The following ATP13A4 variants were observed in gnomAD, a reference collection of about 807,000 sequenced individuals.
ATP13A4 encodes the protein ATPase 13A4, also known as probable cation-transporting ATPase 13A4.
Under a neutral mutation model 142.5 loss-of-function variants are expected in ATP13A4, and 114 were observed. That is an observed-to-expected ratio of 0.80 (90% CI 0.69 to 0.93). The LOEUF (loss-of-function observed/expected upper bound fraction) is 0.93, where lower values mean the gene tolerates loss of function less well. Ranked by LOEUF, ATP13A4 falls within the 40% of genes least tolerant of loss-of-function variation. The probability of loss-of-function intolerance (pLI) is 0.00; values close to 1 mark genes in which losing one functional copy is unlikely to be tolerated. For missense variants in ATP13A4, 1,392 were observed against 1,454.0 expected (o/e 0.96, Z 0.69); for synonymous variants, 488 against 514.8 (o/e 0.95, Z 0.70).
At chr3:193,430,164 G>A (rs900720334) in intron 25 of ATP13A4, among the ~76,000 whole-genome samples, 5 of 152,036 alleles carry the variant, frequency 3.3e-5, no homozygotes, top group African/African-American at 9.7e-5. Context: ...TCAAACAGAA[G>A]GACTGTTCTG....
At chr3:193,571,668 C>T (rs563098568) in intron 2 of ATP13A4, among the ~76,000 whole-genome samples, 1 of 152,254 alleles carries the variant, frequency 6.6e-6, no homozygotes, top group East Asian at 1.9e-4. Flanking sequence ...AAACATCAGA[C>T]AAACCCCAAT....
chr3:193,586,492 A>C (rs959748930), intron 1 of ATP13A4, among the ~76,000 whole-genome samples: 1 of 152,178 alleles, frequency 6.6e-6, no homozygotes, highest in Non-Finnish European at 1.5e-5. Flanking sequence ...CAGTTTATAC[A>C]ATTTTTGTGC....
rs554301789 is a variant in ATP13A4, at chr3:193,502,696, T to A, written c.235-57A>T. ...GTTAAGAGAGGTCAGCAGGCTACAA[T>A]TCAACCTGAGAAACATCATTTTAAT... On this transcript the variant is annotated intron_variant, in intron 2 of 29. Coordinates refer to ENST00000342695, the MANE Select transcript of ATP13A4 (RefSeq NM_032279.4). 1.6e-5 allele frequency: 24 copies of A among 1,510,958 alleles called. No individual in the cohort carries two copies. The South Asian group carries it at 2.6e-4, about 16-fold the overall frequency. The allele number at this position is 1,510,958 out of a possible 1,614,324, so 93.6% of individuals were successfully genotyped here. A position where few individuals can be genotyped will look rare whatever the true frequency, so the allele number is the denominator to read the frequency against.
At chr3:193,462,878 C>T (rs1718035815) in intron 12 of ATP13A4, 55 bp from the exon 13 acceptor site, 1 of 1,557,526 alleles carries the variant, frequency 6.4e-7, no homozygotes, top group African/African-American at 1.4e-5. Flanking sequence ...GGAGCGGTGG[C>T]TCATGCCTGT....
At chr3:193,500,456 C>T (rs563684372) in intron 3 of ATP13A4, among the ~76,000 whole-genome samples, 23 of 152,146 alleles carry the variant, frequency 1.5e-4, no homozygotes, top group Non-Finnish European at 2.2e-4. Flanking sequence ...CACCAAGGAC[C>T]GGTTTTGTGG....
intron 1 of ATP13A4, among the ~76,000 whole-genome samples, chr3:193,517,519 C>T (rs1463917055): frequency 9.9e-5 from 15 of 152,172 alleles, no homozygotes; most frequent in African/African-American, 1.4e-4. Context: ...TTCGCTCTGT[C>T]GCCCAGGCTG....
chr3:193,545,182 A>T (rs908509523), intron 1 of ATP13A4, among the ~76,000 whole-genome samples: 7 of 152,202 alleles, frequency 4.6e-5, no homozygotes, highest in Non-Finnish European at 1.0e-4. Context: ...AGCATTTTTC[A>T]CAATATTATC....
In ATP13A4 at chr3:193,457,008, G is replaced by T. The variant is rs1041113831; in HGVS notation, c.1907C>A (p.Pro636His). The change falls in exon 16 of 30, where the codon CCT (proline) becomes CAT (histidine). Residue 636 changes from proline to histidine, a missense_variant. Coordinates refer to ENST00000342695, the MANE Select transcript of ATP13A4 (RefSeq NM_032279.4). ...APERVASFCQ[P>H]ETVPTSFVSE... ...CAAGTCAAGTTACAGACCTGTCTCA[G>T]GTTGGCAAAAGCTGGCCACCCTCTC... The T allele has an allele frequency of 1.7e-5, 28 of 1,613,158 alleles. No homozygotes were observed. The highest frequency in any genetic ancestry group is 2.3e-5 in the Non-Finnish European group (27 of 1,179,598).
At chr3:193,459,769 C>T (rs538276999) in intron 13 of ATP13A4, among the ~76,000 whole-genome samples, 1 of 152,256 alleles carries the variant, frequency 6.6e-6, no homozygotes, top group South Asian at 2.1e-4. Flanking sequence ...CACTGCATCC[C>T]CCTCTTCCAC....
At chr3:193,563,124 C>T (rs114160378) in intron 2 of ATP13A4, among the ~76,000 whole-genome samples, 1,998 of 152,048 alleles carry the variant, frequency 0.013, 52 homozygotes, top group African/African-American at 0.046. Context: ...AGAAGTTGAA[C>T]GGTACTTGAG....
In ATP13A4 at chr3:193,474,730, G is replaced by GAAAGAGAA. The variant is rs1373548197; in HGVS notation, c.809-3738_809-3737insTTCTCTTT. ...GGAAGGAAAGAGAGAGAGAAAGAAA[G>GAAAGAGAA]AGAAAGAAAGAAAGAAAGGAAAAAG... On this transcript the variant is annotated intron_variant, in intron 8 of 29. Coordinates refer to ENST00000342695, the MANE Select transcript of ATP13A4 (RefSeq NM_032279.4). Among the ~76,000 whole-genome samples, 615 of 147,132 alleles carry GAAAGAGAA rather than the reference G, an allele frequency of 4.2e-3. 12 individuals are homozygous for GAAAGAGAA. Among genetic ancestry groups the GAAAGAGAA allele is most frequent in the African/African-American group, 0.014 (550 of 39,664 alleles).
intron 7 of ATP13A4, 117 bp from the exon 8 acceptor site, chr3:193,484,122 T>G: frequency 2.3e-6 from 2 of 873,736 alleles, no homozygotes; most frequent in African/African-American, 1.7e-5. Context: ...TTGAATGGAA[T>G]GTACTGGCTA....
At chr3:193,417,332 C>T (rs745776994) in intron 25 of ATP13A4, among the ~76,000 whole-genome samples, 1 of 152,118 alleles carries the variant, frequency 6.6e-6, no homozygotes, top group Non-Finnish European at 1.5e-5. Context: ...AATATAAATG[C>T]TGATATTTGT....
rs1460226710 is a variant in ATP13A4, at chr3:193,401,996, G to A, written c.*656C>T. 1 of 152,908 alleles carries A rather than the reference G, an allele frequency of 6.5e-6. No individual in the cohort carries two copies. Among genetic ancestry groups the A allele is most frequent in the Non-Finnish European group, 1.5e-5 (1 of 68,592 alleles). The allele number at this position is 152,908 out of a possible 1,614,324, so 9.5% of individuals were successfully genotyped here. ...ATCGAGCTGATGGAGCCATCAGGTT[G>A]AAGCAGTCACTGCTGTAAGAATGGC... On this transcript the variant is annotated 3_prime_UTR_variant, in exon 30 of 30. Coordinates refer to ENST00000342695, the MANE Select transcript of ATP13A4 (RefSeq NM_032279.4).
Position 193,441,515 on chromosome 3 carries a change from C to G in ATP13A4, c.2390G>C (p.Gly797Ala). 6.2e-7 allele frequency: 1 copy of G among 1,613,752 alleles called. No individual in the cohort carries two copies. Among genetic ancestry groups the G allele is most frequent in the Non-Finnish European group, 8.5e-7 (1 of 1,179,724 alleles). Residue 797 changes from glycine to alanine, a missense_variant, in exon 20 of 30, where the codon GGA becomes GCA. Transcript: ENST00000342695. The stretch of plus-strand genomic sequence containing the variant: ...TTGACTTATAACATGAAAGGATTTT[C>G]CAGTTAGGGCAAAATGGTAACTTCC... ...REGSYHFALT[G>A]KSFHVISQHF...
intron 1 of ATP13A4, among the ~76,000 whole-genome samples, chr3:193,544,420 C>T (rs911990910): frequency 1.3e-5 from 2 of 152,028 alleles, no homozygotes; most frequent in Admixed American, 6.6e-5. Context: ...AAGCACTACT[C>T]CCTGAAGCTA....
intron 2 of ATP13A4, among the ~76,000 whole-genome samples, chr3:193,509,024 A>G (rs1361026151): frequency 6.6e-6 from 1 of 152,026 alleles, no homozygotes; most frequent in Non-Finnish European, 1.5e-5. Context: ...CCAGGAATAG[A>G]AAGCTTATAA....
chr3:193,443,228 G>A (rs1716757641), intron 18 of ATP13A4, among the ~76,000 whole-genome samples: 1 of 152,146 alleles, frequency 6.6e-6, no homozygotes, highest in African/African-American at 2.4e-5. Context: ...CGGAATCCTG[G>A]AAAGGAGAGA....
chr3:193,441,357 C>A, intron 20 of ATP13A4, 109 bp downstream of exon 20: 1 of 1,362,930 alleles, frequency 7.3e-7, no homozygotes. Context: ...ACAGAAAACT[C>A]ACTGAGTATA....
Sources: gnomAD v4.1 joint callset for allele counts (sites outside exome capture counted in the v4.1 genomes callset) on GRCh38, gnomAD v4.1.1 for gene constraint, MANE v1.5 for transcripts, NCBI Gene and HGNC (gene_info 2026-07-23, HGNC 2026-07-21) for gene names.